The following MAP3K9 variants were observed in gnomAD, a reference collection of about 807,000 sequenced individuals.
MAP3K9 encodes mitogen-activated protein kinase kinase kinase 9, also known as mixed lineage kinase 1 (tyr and ser/thr specificity).
MAP3K9 carries 46 observed loss-of-function variants against 95.8 expected under a neutral mutation model. That is an observed-to-expected ratio of 0.48 (90% CI 0.38 to 0.61). The LOEUF (loss-of-function observed/expected upper bound fraction) is 0.61. MAP3K9 is among the 20% of genes least tolerant of loss of function. The pLI, the probability that MAP3K9 is intolerant of heterozygous loss-of-function variation, is 0.00. For synonymous variants in MAP3K9, 533 were observed against 593.8 expected (o/e 0.90, Z 1.49); for missense variants, 1,296 against 1,474.3 (o/e 0.88, Z 1.98).
chr14:70,772,809 T>A (rs1229122121), intron 2 of MAP3K9, among the ~76,000 whole-genome samples: 1 of 152,208 alleles, frequency 6.6e-6, no homozygotes, highest in African/African-American at 2.4e-5. Context: ...TCTTATTTAA[T>A]CCTCTCATCA....
At position 70,770,155 on chromosome 14, in the gene MAP3K9, C is replaced by T. The variant is rs546200158; in HGVS notation, c.821-8973G>A. 3.9e-5 allele frequency among the ~76,000 whole-genome samples: 6 copies of T among 152,098 alleles called. No homozygotes were observed. In the East Asian group the frequency reaches 7.7e-4, roughly 20 times the overall value. ...CTGGTGGTAGGGGTCAAGGTAATTG[C>T]GAGAGTGGGACTCTTCTGTATTTTC... On this transcript the variant is annotated intron_variant, in intron 2 of 11. Transcript: ENST00000554752.
intron 2 of MAP3K9, among the ~76,000 whole-genome samples, chr14:70,782,513 C>T (rs10141804): frequency 0.28 from 43,332 of 152,070 alleles, 6,591 homozygotes; most frequent in Admixed American, 0.33. Flanking sequence ...GTCCCAACCA[C>T]AAAGGCTCGA....
At chr14:70,760,469 C>A (rs758400208) in intron 3 of MAP3K9, among the ~76,000 whole-genome samples, 13 of 152,112 alleles carry the variant, frequency 8.5e-5, no homozygotes, top group Non-Finnish European at 1.5e-4. Context: ...TCAATGTCAA[C>A]AGATAGAGCC....
intron 2 of MAP3K9, among the ~76,000 whole-genome samples, chr14:70,794,252 G>A (rs1309690940): frequency 6.6e-6 from 1 of 152,228 alleles, no homozygotes; most frequent in Non-Finnish European, 1.5e-5. Context: ...AGACAGGTGT[G>A]CCTAGCCCCA....
chr14:70,790,722 G>A (rs2054798387), intron 2 of MAP3K9, among the ~76,000 whole-genome samples: 4 of 152,176 alleles, frequency 2.6e-5, no homozygotes, highest in Admixed American at 6.5e-5. Context: ...GGAACAAAGT[G>A]TGGTTCTACA....
intron 2 of MAP3K9, among the ~76,000 whole-genome samples, chr14:70,800,387 A>T (rs2054914320): frequency 1.3e-5 from 2 of 152,086 alleles, no homozygotes; most frequent in South Asian, 4.1e-4. Flanking sequence ...AGAATTACAC[A>T]TTCTGATATG....
rs2054809847 is a variant in MAP3K9, at chr14:70,791,756, G to A, written c.820+8911C>T. 2.0e-5 allele frequency among the ~76,000 whole-genome samples: 3 copies of A among 152,174 alleles called. No individual in the cohort carries two copies. In the South Asian group the frequency reaches 6.2e-4, roughly 32 times the overall value. On this transcript the variant is annotated intron_variant, in intron 2 of 11. Coordinates refer to ENST00000554752, the MANE Select transcript of MAP3K9 (RefSeq NM_001284230.2). ...TGTCCCGTTATCAGCCATGCTCATG[G>A]TACTCACCACAGTCTTGACTTTACA...
In MAP3K9 at chr14:70,808,831, C is replaced by T. The variant is rs1414509681; in HGVS notation, c.341G>A (p.Arg114His). The change falls in exon 1 of 12, where the codon CGC becomes CAC. Residue 114 changes from arginine (R) to histidine (H), a missense_variant. Transcript: ENST00000554752. ...GIFPSNYVTP[R>H]SAFSSRCQPG... ...CTGGCAGCGGCTGGAGAAGGCGCTGCGCGGGGTCACGTAGTTGCTGGGGAA... is the reference window on the plus strand; with the variant it reads ...CTGGCAGCGGCTGGAGAAGGCGCTGTGCGGGGTCACGTAGTTGCTGGGGAA... 1.3e-6 allele frequency: 2 copies of T among 1,596,330 alleles called. No individual in the cohort carries two copies. The highest frequency in any genetic ancestry group is 1.1e-5 in the South Asian group (1 of 88,124).
intron 2 of MAP3K9, among the ~76,000 whole-genome samples, chr14:70,791,638 T>G (rs1249862265): frequency 2.0e-5 from 3 of 152,206 alleles, no homozygotes; most frequent in Non-Finnish European, 4.4e-5. Flanking sequence ...TTGCCCCACC[T>G]TCCCTTTCCA....
At chr14:70,781,950 G>A (rs1594802425) in intron 2 of MAP3K9, among the ~76,000 whole-genome samples, 1 of 152,186 alleles carries the variant, frequency 6.6e-6, no homozygotes, top group Non-Finnish European at 1.5e-5. Context: ...CCCAGGTGAT[G>A]GGACATGGCA....
chr14:70,786,791 G>A (rs572258093), intron 2 of MAP3K9, among the ~76,000 whole-genome samples: 6 of 152,220 alleles, frequency 3.9e-5, no homozygotes, highest in Non-Finnish European at 5.9e-5. Flanking sequence ...ATATCTATAA[G>A]CAAAAAAGAA....
chr14:70,793,944 G>A (rs1016318129), intron 2 of MAP3K9, among the ~76,000 whole-genome samples: 4 of 152,182 alleles, frequency 2.6e-5, no homozygotes, highest in Non-Finnish European at 4.4e-5. Flanking sequence ...TAGACCAGGG[G>A]TTCTAGTCTC....
In MAP3K9 at chr14:70,749,917, G is replaced by A. The variant is rs756893641; in HGVS notation, c.1150+16C>T. The A allele has an allele frequency of 6.2e-7, 1 of 1,614,112 alleles. No homozygotes were observed. ...GCAAAGTGTCTCCAGTTTGGTTCAG[G>A]CCAGGGCTTACTTACCTTCCATGAG... On this transcript the variant is annotated intron_variant, in intron 4 of 11. Transcript: ENST00000554752.
intron 1 of MAP3K9, among the ~76,000 whole-genome samples, chr14:70,804,859 G>A (rs1375412151): frequency 6.6e-6 from 1 of 152,108 alleles, no homozygotes; most frequent in Admixed American, 6.5e-5. Context: ...CTGACTCCAA[G>A]AAAAGTATAG....
rs2053770302 is a variant in MAP3K9, at chr14:70,722,711, A to G, written c.*7669T>C. ...AAAAAGCCAAAGGAAAGAACCTGGT[A>G]AGTTTCCTTCAGGACTTTTTCATCT... On this transcript the variant is annotated 3_prime_UTR_variant, in exon 12 of 12. Transcript: ENST00000554752. 1.1e-5 allele frequency: 1 copy of G among 91,752 alleles called. No individual in the cohort carries two copies. Among genetic ancestry groups the G allele is most frequent in the South Asian group, 3.3e-4 (1 of 3,072 alleles). The allele number at this position is 91,752 out of a possible 1,614,324, so 5.7% of individuals were successfully genotyped here. A position where few individuals can be genotyped will look rare whatever the true frequency, so the allele number is the denominator to read the frequency against.
rs2054517122 is a variant in MAP3K9 at position 70,770,521 on chromosome 14, T to C, written c.821-9339A>G. On this transcript the variant is annotated intron_variant, in intron 2 of 11. Coordinates refer to ENST00000554752, the MANE Select transcript of MAP3K9 (RefSeq NM_001284230.2). Reference sequence around the variant, plus strand: ...TTCTAAATTCACATGGACCTACCTTTAGCATCGAGGGTTGGGCAAAGAAAA... The same window carrying C: ...TTCTAAATTCACATGGACCTACCTTCAGCATCGAGGGTTGGGCAAAGAAAA... 2.0e-5 allele frequency among the ~76,000 whole-genome samples: 3 copies of C among 152,226 alleles called. No individual in the cohort carries two copies. The South Asian group carries it at 6.2e-4, about 32-fold the overall frequency.
At position 70,742,560 on chromosome 14, in the gene MAP3K9, C is replaced by T. The variant is rs148357774; in HGVS notation, c.1358G>A (p.Arg453Gln). ...CTGGTTCTTCTGCTGCAGTGCAGCC[C>T]GCGTCAGCTCCTCCTCCCAGGTGCG... Reference protein sequence around the residue: ...ELRTWEEELTRAALQQKNQEE... With the variant: ...ELRTWEEELTQAALQQKNQEE... The change falls in exon 6 of 12, where the codon CGG becomes CAG. Residue 453 changes from arginine (R) to glutamine (Q), a missense_variant. Arg to Gln is a conservative substitution (Grantham distance 43). Coordinates refer to ENST00000554752, the MANE Select transcript of MAP3K9 (RefSeq NM_001284230.2). 150 of 1,613,986 alleles carry T rather than the reference C, an allele frequency of 9.3e-5. 2 individuals carry two copies. In the Admixed American group the frequency reaches 1.8e-3, roughly 20 times the overall value.
intron 2 of MAP3K9, among the ~76,000 whole-genome samples, chr14:70,766,163 T>A (rs1235919519): frequency 6.6e-6 from 1 of 152,060 alleles, no homozygotes; most frequent in Non-Finnish European, 1.5e-5. Flanking sequence ...GAAGCCAAGT[T>A]TAGTTTTGGA....
At position 70,736,024 on chromosome 14, in the gene MAP3K9, G is replaced by T; in HGVS notation, c.1850C>A (p.Pro617His). Reference protein sequence around the residue: ...KELASGDEGSPQRREKANGLS... With the variant: ...KELASGDEGSHQRREKANGLS... ...ACCATTAGCTTTCTCACGTCTCTGA[G>T]GGGATCTTCAATGAATAAAGAGAAT... is the stretch of plus-strand genomic sequence containing the variant. The change falls in exon 9 of 12, where the codon CCT (proline) becomes CAT (histidine). Residue 617 changes from proline to histidine, a missense_variant. Pro to His is a moderately conservative substitution (Grantham distance 77). This residue lies in a region of MAP3K9 where 377 missense variants were observed against 417.1 expected (regional missense o/e 0.90). Transcript: ENST00000554752. The T allele has an allele frequency of 6.2e-7, 1 of 1,610,942 alleles. No individual in the cohort carries two copies. Among genetic ancestry groups the T allele is most frequent in the East Asian group, 2.2e-5 (1 of 44,870 alleles).
Sources: gnomAD v4.1 joint callset for allele counts (sites outside exome capture counted in the v4.1 genomes callset) on GRCh38, gnomAD v4.1.1 for gene constraint, gnomAD v4.1.1 regional missense constraint, MANE v1.5 for transcripts, NCBI Gene and HGNC (gene_info 2026-07-23, HGNC 2026-07-21) for gene names.